Variants in AVEN observed in about 807,000 individuals in gnomAD.
The protein encoded by AVEN is cell death regulator Aven.
A neutral mutation model predicts 38.1 loss-of-function variants in AVEN; 41 were observed. The observed-to-expected ratio is 1.08, with a 90% CI of 0.84 to 1.40. The LOEUF is 1.40. AVEN is among the 40% of genes most tolerant of loss of function. The pLI is 0.00. For missense variants in AVEN, 605 were observed against 438.8 expected, an observed-to-expected ratio of 1.38 and a Z score of -3.38; for synonymous variants, 206 against 171.8, an observed-to-expected ratio of 1.20 and a Z score of -1.56.
At chr15:33,949,561 T>C (rs1894652774) in intron 2 of AVEN, among the ~76,000 whole-genome samples, 1 of 152,184 alleles carries the variant, frequency 6.6e-6, no homozygotes, top group Non-Finnish European at 1.5e-5. Context: ...GATTAGTCGT[T>C]GCCTGAGGCT....
intron 1 of AVEN, among the ~76,000 whole-genome samples, chr15:34,070,886 C>T (rs913649382): frequency 2.0e-5 from 3 of 152,152 alleles, no homozygotes; most frequent in Admixed American, 6.5e-5. Context: ...GTGGGATGGA[C>T]GGGAGTTAAA....
intron 5 of AVEN, among the ~76,000 whole-genome samples, chr15:34,053,181 T>A (rs1037485593): frequency 6.7e-6 from 1 of 149,932 alleles, no homozygotes; most frequent in East Asian, 2.0e-4. Context: ...GTGCCTACAG[T>A]CCCAGCTACT....
chr15:33,940,301 TCCAAAA>T (rs1894263824), intron 2 of AVEN, among the ~76,000 whole-genome samples: 1 of 152,218 alleles, frequency 6.6e-6, no homozygotes, highest in Non-Finnish European at 1.5e-5. Context: ...CTATTAACTT[TCCAAAA>T]TAGAGTAATG....
At chr15:33,951,825 T>C (rs1277155113) in intron 2 of AVEN, among the ~76,000 whole-genome samples, 4 of 152,152 alleles carry the variant, frequency 2.6e-5, no homozygotes, top group South Asian at 4.1e-4. Context: ...AAGACCATAC[T>C]AGCACAGAGG....
At chr15:33,894,550 G>A (rs1892134667) in intron 2 of AVEN, among the ~76,000 whole-genome samples, 1 of 147,066 alleles carries the variant, frequency 6.8e-6, no homozygotes, top group Non-Finnish European at 1.5e-5. Flanking sequence ...GCCGGGCACA[G>A]TGGCTCACTA....
intron 1 of AVEN, among the ~76,000 whole-genome samples, chr15:34,035,481 C>A (rs1407660364): frequency 6.6e-6 from 1 of 152,066 alleles, no homozygotes; most frequent in Admixed American, 6.6e-5. Context: ...GAGCAGCAGT[C>A]GAAAGAACAG....
chr15:33,926,869 G>A (rs1170570913), intron 2 of AVEN, among the ~76,000 whole-genome samples: 1 of 152,056 alleles, frequency 6.6e-6, no homozygotes, highest in Admixed American at 6.6e-5. Context: ...TGGCAAGGCT[G>A]GTTTCAAACT....
intron 5 of AVEN, among the ~76,000 whole-genome samples, chr15:34,047,319 C>T (rs1899741030): frequency 1.3e-5 from 2 of 152,174 alleles, no homozygotes. Context: ...CCTGATGATC[C>T]GCCCGTGTCA....
At chr15:33,931,440 G>A (rs533248961) in intron 2 of AVEN, among the ~76,000 whole-genome samples, 4 of 128,718 alleles carry the variant, frequency 3.1e-5, no homozygotes, top group Admixed American at 9.8e-5. Context: ...GCACAATCTC[G>A]GCTCACTGCA....
intron 3 of AVEN, among the ~76,000 whole-genome samples, chr15:33,871,748 G>A (rs1016137881): frequency 3.7e-5 from 5 of 135,454 alleles, no homozygotes; most frequent in Non-Finnish European, 6.1e-5. Flanking sequence ...CAGGTGTTGC[G>A]AAGGTTTCAA....
At chr15:33,899,459 C>T (rs992220056) in intron 2 of AVEN, among the ~76,000 whole-genome samples, 1 of 83,260 alleles carries the variant, frequency 1.2e-5, no homozygotes, top group Admixed American at 1.9e-4. Context: ...TCAGGGAAAA[C>T]CTTTTTTTTT....
chr15:33,952,487 G>C (rs1894788692), intron 2 of AVEN, among the ~76,000 whole-genome samples: 1 of 152,084 alleles, frequency 6.6e-6, no homozygotes, highest in African/African-American at 2.4e-5. Context: ...TTCCCTTTCT[G>C]AGTCAGATAC....
intron 2 of AVEN, among the ~76,000 whole-genome samples, chr15:33,893,278 G>A (rs1567400219): frequency 6.6e-6 from 1 of 152,204 alleles, no homozygotes; most frequent in Non-Finnish European, 1.5e-5. Flanking sequence ...TGGTGACAGA[G>A]GGCATCCTTG....
chr15:33,865,380 G>A (rs2153030363), downstream of AVEN: 1 of 623,258 alleles, frequency 1.6e-6, no homozygotes, highest in Non-Finnish European at 2.8e-6. Flanking sequence ...TTTTGAAATT[G>A]ATTTGGCTTT....
chr15:33,927,291 C>T lies in AVEN; in HGVS notation c.446-51296G>A, dbSNP rs1275746441. Among the ~76,000 whole-genome samples the T allele has an allele frequency of 4.6e-5, 7 of 151,642 alleles. No individual in the cohort carries two copies. The South Asian group carries it at 8.4e-4, about 18-fold the overall frequency. Reference sequence around the variant, plus strand: ...AATAATAATAATAATAATTGAACTTCCTAAGACTTAAGTGAGATGATATGT... The same window carrying T: ...AATAATAATAATAATAATTGAACTTTCTAAGACTTAAGTGAGATGATATGT... On this transcript the variant is annotated intron_variant, in intron 2 of 5. Coordinates refer to ENST00000306730, the MANE Select transcript of AVEN (RefSeq NM_020371.3).
chr15:34,026,159 T>A (rs751214429), intron 1 of AVEN, among the ~76,000 whole-genome samples: 1 of 152,214 alleles, frequency 6.6e-6, no homozygotes, highest in African/African-American at 2.4e-5. Flanking sequence ...TGCATACATA[T>A]ACCTTATAAT....
Position 34,014,386 on chromosome 15 carries a change from AAAAAC to A in AVEN, c.268-11182_268-11178del, listed in dbSNP as rs1392166978. Among the ~76,000 whole-genome samples the A allele has an allele frequency of 2.6e-3, 33 of 12,652 alleles. 4 individuals are homozygous for A. Among genetic ancestry groups the A allele is most frequent in the Non-Finnish European group, 0.016 (19 of 1,202 alleles). 8.3% of individuals were successfully genotyped at this position (12,652 alleles called of 152,430 possible). A position where few individuals can be genotyped will look rare whatever the true frequency, so the allele number is the denominator to read the frequency against. On this transcript the variant is annotated intron_variant, in intron 1 of 5. Transcript: ENST00000306730. ...TCTCATTAAAAAAAAAAAAAAAAAC[AAAAAC>A]AAAAACCACGTTTGAGGATTCTGGG...
chr15:34,055,598 A>G (rs1438687576), intron 5 of AVEN, among the ~76,000 whole-genome samples: 3 of 151,950 alleles, frequency 2.0e-5, no homozygotes, highest in Admixed American at 6.6e-5. Context: ...TCAGGAGATC[A>G]AGACCATCCT....
intron 2 of AVEN, among the ~76,000 whole-genome samples, chr15:33,889,293 T>G (rs963927082): frequency 6.6e-6 from 1 of 152,198 alleles, no homozygotes; most frequent in Admixed American, 6.5e-5. Flanking sequence ...AATGCTAGTC[T>G]TTTAATCTCT....
Sources: allele counts gnomAD v4.1 joint callset (sites outside exome capture counted in the v4.1 genomes callset), GRCh38; gene constraint gnomAD v4.1.1; transcripts MANE v1.5; gene names NCBI Gene and HGNC (gene_info 2026-07-23, HGNC 2026-07-21).